The following PLXNC1 variants were observed in gnomAD, a reference collection of about 807,000 sequenced individuals.
PLXNC1 encodes plexin C1.
In PLXNC1, 75 loss-of-function variants were observed where a neutral mutation model predicts 178.2. The observed-to-expected ratio is 0.42, with a 90% CI of 0.35 to 0.51. PLXNC1 has a LOEUF of 0.51. Ranked by LOEUF, PLXNC1 falls within the 20% of genes least tolerant of loss-of-function variation. PLXNC1 has a pLI of 0.02. For missense variants in PLXNC1, 1,503 were observed against 1,984.4 expected, an observed-to-expected ratio of 0.76 and a Z score of 4.61; for synonymous variants, 790 against 779.9, an observed-to-expected ratio of 1.01 and a Z score of -0.22.
Position 94,259,729 on chromosome 12 carries a change from G to A in PLXNC1, c.3246G>A (p.Lys1082=). 1 of 1,606,770 alleles carries A rather than the reference G, an allele frequency of 6.2e-7. No homozygotes were observed. ...TLEKQKNFSV[K]DRCLFASFLT... is the part of the protein sequence containing the mutation. ...AAAAGCAGAAGAACTTTTCTGTGAAGGACAGGTATTAGTCCATTCTTTGAT... is the reference window on the plus strand; with the variant it reads ...AAAAGCAGAAGAACTTTTCTGTGAAAGACAGGTATTAGTCCATTCTTTGAT... The change falls in exon 19 of 31, where the codon AAG becomes AAA. Residue 1082 remains lysine, a synonymous_variant. Coordinates refer to ENST00000258526, the MANE Select transcript of PLXNC1 (RefSeq NM_005761.3).
At chr12:94,263,978 ATCC>A (rs1255450142) in intron 20 of PLXNC1, among the ~76,000 whole-genome samples, 2 of 151,966 alleles carry the variant, frequency 1.3e-5, no homozygotes, top group Non-Finnish European at 2.9e-5. Context: ...ACCCAGTGGA[ATCC>A]TCCTTTCCCA....
chr12:94,303,508 G>C (rs1968672541), intron 28 of PLXNC1, among the ~76,000 whole-genome samples: 1 of 152,066 alleles, frequency 6.6e-6, no homozygotes, highest in African/African-American at 2.4e-5. Context: ...TTTATGAGAG[G>C]AAGGCAGAAT....
chr12:94,213,930 G>A (rs558755773), intron 5 of PLXNC1, among the ~76,000 whole-genome samples: 15 of 150,088 alleles, frequency 1.0e-4, no homozygotes, highest in Admixed American at 3.3e-4. Context: ...GCAGTGGCAC[G>A]TTCTAGGCTC....
chr12:94,211,892 A>G (rs1023056406), intron 5 of PLXNC1, among the ~76,000 whole-genome samples: 2 of 152,256 alleles, frequency 1.3e-5, no homozygotes, highest in East Asian at 1.9e-4. Context: ...GGGCAAAAAT[A>G]TAGAAGAATT....
chr12:94,278,929 C>A (rs916669034), intron 21 of PLXNC1, among the ~76,000 whole-genome samples: 1 of 151,826 alleles, frequency 6.6e-6, no homozygotes, highest in Admixed American at 6.6e-5. Flanking sequence ...ACCCAGGAGG[C>A]GGAGGTTGCA....
intron 21 of PLXNC1, among the ~76,000 whole-genome samples, chr12:94,278,781 A>G (rs1454706594): frequency 6.6e-6 from 1 of 152,142 alleles, no homozygotes; most frequent in Non-Finnish European, 1.5e-5. Flanking sequence ...GCAGATCACA[A>G]GGTCAGGACT....
chr12:94,257,836 G>A (rs1964893569), intron 17 of PLXNC1, among the ~76,000 whole-genome samples: 1 of 152,196 alleles, frequency 6.6e-6, no homozygotes, highest in Non-Finnish European at 1.5e-5. Context: ...GAACCTGGGA[G>A]GCGGAGCTTG....
At position 94,179,337 on chromosome 12, in the gene PLXNC1, C is replaced by T. The variant is rs1465283653; in HGVS notation, c.1204-2109C>T. ...AGAGATATGAATACAGATAATCTAT[C>T]TGGATGTGTTCAAACTGACAAAATG... On this transcript the variant is annotated intron_variant, in intron 2 of 30. Transcript: ENST00000258526. 2.6e-5 allele frequency among the ~76,000 whole-genome samples: 4 copies of T among 152,322 alleles called. No individual in the cohort carries two copies. In the East Asian group the frequency reaches 7.7e-4, roughly 29 times the overall value.
intron 3 of PLXNC1, among the ~76,000 whole-genome samples, chr12:94,184,858 C>T (rs1440865733): frequency 6.6e-6 from 1 of 152,212 alleles, no homozygotes; most frequent in Non-Finnish European, 1.5e-5. Flanking sequence ...CTATACCCCT[C>T]CTGGAATACT....
At position 94,169,269 on chromosome 12, in the gene PLXNC1, G is replaced by T. The variant is rs114621382; in HGVS notation, c.1179G>T (p.Gly393=). 357 of 1,613,958 alleles carry T rather than the reference G, an allele frequency of 2.2e-4. 2 individuals carry two copies. In the African/African-American group the frequency reaches 4.2e-3, roughly 19 times the overall value. ...TGAACAGGACTGTTTTATTCTTGGGGACTGGAGATGGCCAGTTACTTAAGG... is the reference window on the plus strand; with the variant it reads ...TGAACAGGACTGTTTTATTCTTGGGTACTGGAGATGGCCAGTTACTTAAGG... ...VVMNRTVLFL[G]TGDGQLLKVI... The change falls in exon 2 of 31, where the codon GGG becomes GGT. Residue 393 remains glycine, a synonymous_variant. Coordinates refer to ENST00000258526, the MANE Select transcript of PLXNC1 (RefSeq NM_005761.3).
chr12:94,284,337 G>A (rs1176473470), intron 23 of PLXNC1, among the ~76,000 whole-genome samples: 1 of 152,108 alleles, frequency 6.6e-6, no homozygotes, highest in Non-Finnish European at 1.5e-5. Context: ...TAAACTGTAA[G>A]TTCCTCCCAA....
intron 20 of PLXNC1, among the ~76,000 whole-genome samples, chr12:94,261,518 CAT>C (rs569197971): frequency 1.3e-5 from 2 of 152,198 alleles, no homozygotes; most frequent in Non-Finnish European, 2.9e-5. Flanking sequence ...GATGAGAAAA[CAT>C]AGGCAATTGC....
intron 1 of PLXNC1, among the ~76,000 whole-genome samples, chr12:94,157,856 T>C (rs1344316081): frequency 3.3e-5 from 5 of 152,202 alleles, no homozygotes; most frequent in Admixed American, 6.5e-5. Flanking sequence ...CCATGGACAA[T>C]ACATAAATGA....
At chr12:94,160,260 A>T (rs926704475) in intron 1 of PLXNC1, among the ~76,000 whole-genome samples, 1 of 152,130 alleles carries the variant, frequency 6.6e-6, no homozygotes, top group Non-Finnish European at 1.5e-5. Flanking sequence ...GCCCTCAGTA[A>T]GTGTTTCTAG....
chr12:94,248,114 T>G lies in PLXNC1; in HGVS notation c.2592+8T>G. 6.2e-7 allele frequency: 1 copy of G among 1,613,616 alleles called. No homozygotes were observed. The highest frequency in any genetic ancestry group is 8.5e-7 in the Non-Finnish European group (1 of 1,179,600). ...CTGGAAGTGAAAATTCAAGTATGTT[T>G]CTTTTCTTTCTGGGTGGGATGTCAC... On this transcript the variant is annotated splice_region_variant and intron_variant, in intron 13 of 30. Transcript: ENST00000258526.
At position 94,256,761 on chromosome 12, in the gene PLXNC1, A is replaced by G. The variant is rs1420765234; in HGVS notation, c.3087+1465A>G. Among the ~76,000 whole-genome samples the G allele has an allele frequency of 4.6e-5, 7 of 151,440 alleles. No homozygotes were observed. The Admixed American group carries it at 4.6e-4, about 10-fold the overall frequency. On this transcript the variant is annotated intron_variant, in intron 17 of 30. Transcript: ENST00000258526. ...AATAATCTGTGGCCTGAAAAAAGAA[A>G]TGTTCTTATCTTCTAAATTTGGTAA... is the stretch of plus-strand genomic sequence containing the variant.
intron 23 of PLXNC1, among the ~76,000 whole-genome samples, chr12:94,291,229 T>C (rs1444656083): frequency 6.6e-6 from 1 of 152,252 alleles, no homozygotes; most frequent in Non-Finnish European, 1.5e-5. Context: ...GCAATTCTTA[T>C]CAGTTCTATT....
chr12:94,279,341 A>G, intron 21 of PLXNC1, 131 bp from the exon 22 acceptor site: 1 of 664,188 alleles, frequency 1.5e-6, no homozygotes, highest in South Asian at 2.0e-5. Context: ...AAAGTAGTCT[A>G]ATGCAATACA....
At chr12:94,285,809 TAGG>T (rs1480482305) in intron 23 of PLXNC1, among the ~76,000 whole-genome samples, 2 of 152,118 alleles carry the variant, frequency 1.3e-5, no homozygotes, top group African/African-American at 4.8e-5. Flanking sequence ...CTTGATGAGT[TAGG>T]AGGGGACACA....
Sources: allele counts gnomAD v4.1 joint callset (sites outside exome capture counted in the v4.1 genomes callset), GRCh38; gene constraint gnomAD v4.1.1; transcripts MANE v1.5; gene names NCBI Gene and HGNC (gene_info 2026-07-23, HGNC 2026-07-21).